Variants in EPHA5 observed in about 807,000 individuals in gnomAD.
EPHA5 encodes the protein EPH receptor A5.
A neutral mutation model predicts 105.0 loss-of-function variants in EPHA5; 60 were observed. The ratio of observed to expected loss-of-function variants is 0.57; its 90% CI spans 0.46 to 0.71. EPHA5 has a LOEUF of 0.71. Ranked by LOEUF, EPHA5 falls within the 30% of genes least tolerant of loss-of-function variation. The pLI, the probability that EPHA5 is intolerant of heterozygous loss-of-function variation, is 0.00. For missense variants in EPHA5, 1,218 were observed against 1,274.7 expected (o/e 0.96, Z 0.68); for synonymous variants, 513 against 449.1 (o/e 1.14, Z -1.80).
intron 2 of EPHA5, among the ~76,000 whole-genome samples, chr4:65,628,356 T>C (rs1746334646): frequency 1.3e-5 from 2 of 152,132 alleles, no homozygotes; most frequent in Admixed American, 6.6e-5. Context: ...AATGTATGAA[T>C]AATGCTACCA....
chr4:65,549,559 T>C (rs1054390170), intron 3 of EPHA5, among the ~76,000 whole-genome samples: 2 of 152,034 alleles, frequency 1.3e-5, no homozygotes, highest in Non-Finnish European at 2.9e-5. Flanking sequence ...TGACTTTTTC[T>C]AGAAAGAGGG....
chr4:65,352,291 G>A (rs1019130373), intron 12 of EPHA5, among the ~76,000 whole-genome samples: 1 of 151,946 alleles, frequency 6.6e-6, no homozygotes, highest in African/African-American at 2.4e-5. Flanking sequence ...CAAATTCATT[G>A]CATAGGTCCC....
intron 3 of EPHA5, among the ~76,000 whole-genome samples, chr4:65,586,704 T>C (rs1288592457): frequency 6.6e-6 from 1 of 152,020 alleles, no homozygotes; most frequent in Non-Finnish European, 1.5e-5. Flanking sequence ...TATTTGAAGC[T>C]AACTACTAAC....
intron 9 of EPHA5, among the ~76,000 whole-genome samples, chr4:65,366,420 C>A (rs1217278234): frequency 1.3e-5 from 2 of 151,690 alleles, no homozygotes; most frequent in African/African-American, 2.4e-5. Flanking sequence ...GGATGATATT[C>A]GATATAATCC....
chr4:65,646,333 GT>G (rs1748110587), intron 1 of EPHA5, among the ~76,000 whole-genome samples: 1 of 152,192 alleles, frequency 6.6e-6, no homozygotes, highest in Non-Finnish European at 1.5e-5. Context: ...CTGAATAGCT[GT>G]TTATCTTATG....
intron 5 of EPHA5, among the ~76,000 whole-genome samples, chr4:65,464,479 T>C (rs964400809): frequency 2.6e-5 from 4 of 152,044 alleles, no homozygotes; most frequent in Admixed American, 6.6e-5. Flanking sequence ...TTACACAATA[T>C]TATAAAGAAC....
intron 3 of EPHA5, among the ~76,000 whole-genome samples, chr4:65,527,976 G>A (rs1735401271): frequency 6.6e-6 from 1 of 151,952 alleles, no homozygotes; most frequent in African/African-American, 2.4e-5. Flanking sequence ...AGTTTGCTAA[G>A]GATAAACATT....
chr4:65,469,960 A>C (rs1237824400), intron 5 of EPHA5, among the ~76,000 whole-genome samples: 1 of 152,122 alleles, frequency 6.6e-6, no homozygotes, highest in Non-Finnish European at 1.5e-5. Context: ...AAAAAGCCAA[A>C]ATAGCCATTA....
chr4:65,479,287 TA>T (rs1257526263), intron 5 of EPHA5, among the ~76,000 whole-genome samples: 7 of 152,180 alleles, frequency 4.6e-5, no homozygotes, highest in Admixed American at 3.3e-4. Flanking sequence ...GATATTTACG[TA>T]ATTTACTCAA....
intron 16 of EPHA5, chr4:65,330,899 G>A (rs1720550196): frequency 3.9e-6 from 4 of 1,038,014 alleles, no homozygotes; most frequent in Non-Finnish European, 4.6e-6. Context: ...GGTCCTTTTA[G>A]TTATCGGTAT....
intron 3 of EPHA5, among the ~76,000 whole-genome samples, chr4:65,528,494 TA>T (rs1007209352): frequency 6.6e-6 from 1 of 152,098 alleles, no homozygotes; most frequent in Non-Finnish European, 1.5e-5. Flanking sequence ...CCCTGTTGCT[TA>T]AAAAAATCCG....
In EPHA5 at chr4:65,427,874, T is replaced by G. The variant is rs532236582; in HGVS notation, c.1403-7309A>C. Reference sequence around the variant, plus strand: ...ATACTGTCTACACTGAATTTTGGTATAATACTGTCTTTCAGTATTTATCTT... The same window carrying G: ...ATACTGTCTACACTGAATTTTGGTAGAATACTGTCTTTCAGTATTTATCTT... On this transcript the variant is annotated intron_variant, in intron 5 of 16. Transcript: ENST00000613740. Among the ~76,000 whole-genome samples the G allele has an allele frequency of 1.6e-3, 243 of 152,322 alleles. 1 individual carries two copies. Among genetic ancestry groups the G allele is most frequent in the African/African-American group, 5.6e-3 (234 of 41,586 alleles).
chr4:65,596,311 G>C (rs1488334038), intron 3 of EPHA5, among the ~76,000 whole-genome samples: 1 of 152,032 alleles, frequency 6.6e-6, no homozygotes, highest in African/African-American at 2.4e-5. Flanking sequence ...CTGTGAAAAT[G>C]GGGAGTGGGG....
intron 8 of EPHA5, among the ~76,000 whole-genome samples, chr4:65,390,700 A>C (rs2148954743): frequency 6.6e-6 from 1 of 152,162 alleles, no homozygotes; most frequent in South Asian, 2.1e-4. Context: ...GTCCCAAAAT[A>C]ACAACAAAAT....
chr4:65,520,407 C>T lies in EPHA5; in HGVS notation c.911-24864G>A, dbSNP rs1474358188. Among the ~76,000 whole-genome samples the T allele has an allele frequency of 2.6e-5, 4 of 151,970 alleles. No homozygotes were observed. The East Asian group carries it at 5.8e-4, about 22-fold the overall frequency. On this transcript the variant is annotated intron_variant, in intron 3 of 16. Transcript: ENST00000613740. ...ATGGATTAAAGACTTAAATATTAGA[C>T]TAAAACCATAAAAACCCTAGAAGAA... is the stretch of plus-strand genomic sequence containing the variant.
chr4:65,495,449 A>G lies in EPHA5; in HGVS notation c.1005T>C (p.Ser335=), dbSNP rs767063577. Reference sequence around the variant, plus strand: ...TGAAATAATCCTTTTCACAGACACAAGAGGTTGAAGCTTCCTCATGGGTAT... The same window carrying G: ...TGAAATAATCCTTTTCACAGACACAGGAGGTTGAAGCTTCCTCATGGGTAT... ...HSYTHEEAST[S]CVCEKDYFRR... The change falls in exon 4 of 17, where the codon TCT becomes TCC. Residue 335 remains serine, a synonymous_variant. Transcript: ENST00000613740. 1.5e-5 allele frequency: 24 copies of G among 1,613,778 alleles called. No individual in the cohort carries two copies. The highest frequency in any genetic ancestry group is 1.8e-5 in the Non-Finnish European group (21 of 1,179,866).
At chr4:65,348,307 G>C in intron 13 of EPHA5, 104 bp from the exon 14 acceptor site, 1 of 1,088,228 alleles carries the variant, frequency 9.2e-7, no homozygotes, top group South Asian at 1.6e-5. Context: ...GCATTTTTAA[G>C]TGAATCTGTT....
intron 3 of EPHA5, among the ~76,000 whole-genome samples, chr4:65,536,750 A>T (rs1420918516): frequency 7.1e-6 from 1 of 140,516 alleles, no homozygotes. Context: ...TCTAAAATAT[A>T]AAAAAAAAAA....
At position 65,557,829 on chromosome 4, in the gene EPHA5, C is replaced by T. The variant is rs143089472; in HGVS notation, c.910+43812G>A. 2.4e-3 allele frequency among the ~76,000 whole-genome samples: 359 copies of T among 152,012 alleles called. 3 individuals carry two copies. The highest frequency in any genetic ancestry group is 3.1e-3 in the Non-Finnish European group (212 of 67,988). On this transcript the variant is annotated intron_variant, in intron 3 of 16. Transcript: ENST00000613740. ...GAAAATGCAAAACAATAGCAATGTT[C>T]CCAACATTAATGATTGGTCACTGAA...
Sources: allele counts gnomAD v4.1 joint callset (sites outside exome capture counted in the v4.1 genomes callset), GRCh38; gene constraint gnomAD v4.1.1; transcripts MANE v1.5; gene names NCBI Gene and HGNC (gene_info 2026-07-23, HGNC 2026-07-21).